Variants in RTN1 observed in about 807,000 individuals in gnomAD.
RTN1 encodes the protein reticulon-1.
Under a neutral mutation model 65.5 loss-of-function variants are expected in RTN1, and 25 were observed. That is an observed-to-expected ratio of 0.38 (90% CI 0.28 to 0.53). RTN1 has a LOEUF of 0.53. Among genes scored for constraint, RTN1 ranks in the 20% least tolerant of loss-of-function variants. The pLI is 0.79. For synonymous variants in RTN1, 471 were observed against 447.6 expected, an observed-to-expected ratio of 1.05 and a Z score of -0.66; for missense variants, 983 against 1,025.4, an observed-to-expected ratio of 0.96 and a Z score of 0.57.
chr14:59,599,589 C>T (rs1423997751), intron 8 of RTN1, among the ~76,000 whole-genome samples: 1 of 152,162 alleles, frequency 6.6e-6, no homozygotes, highest in African/African-American at 2.4e-5. Context: ...CTGGATCATA[C>T]ATCTCCATTT....
intron 1 of RTN1, among the ~76,000 whole-genome samples, chr14:59,837,137 A>G (rs1887226675): frequency 6.6e-6 from 1 of 152,164 alleles, no homozygotes; most frequent in Non-Finnish European, 1.5e-5. Context: ...AAACAGATCA[A>G]TGTAACAGAG....
rs1415653807 is a variant in RTN1, at chr14:59,749,112, A to C, written c.242-2631T>G. ...CATCTATATATATATCTATATATATATATATATATATAGATATATCTATAT... is the reference window on the plus strand; with the variant it reads ...CATCTATATATATATCTATATATATCTATATATATATAGATATATCTATAT... On this transcript the variant is annotated intron_variant, in intron 1 of 8. Transcript: ENST00000267484. Among the ~76,000 whole-genome samples the C allele has an allele frequency of 8.9e-3, 491 of 55,272 alleles. 24 individuals carry two copies. The highest frequency in any genetic ancestry group is 0.056 in the African/African-American group (428 of 7,664). 36.3% of individuals were successfully genotyped at this position (55,272 alleles called of 152,430 possible). A position where few individuals can be genotyped will look rare whatever the true frequency, so the allele number is the denominator to read the frequency against.
intron 4 of RTN1, among the ~76,000 whole-genome samples, chr14:59,606,863 T>C (rs910857943): frequency 6.6e-6 from 1 of 151,668 alleles, no homozygotes; most frequent in Non-Finnish European, 1.5e-5. Flanking sequence ...AGAGAAAGCA[T>C]GGAAATAAAG....
intron 1 of RTN1, among the ~76,000 whole-genome samples, chr14:59,755,320 G>T (rs962542438): frequency 1.3e-5 from 2 of 152,092 alleles, no homozygotes; most frequent in Admixed American, 6.6e-5. Context: ...AATATTAACA[G>T]GTATAGGGGA....
chr14:59,712,246 T>G (rs1218119440), intron 3 of RTN1, among the ~76,000 whole-genome samples: 3 of 152,148 alleles, frequency 2.0e-5, no homozygotes, highest in African/African-American at 7.2e-5. Context: ...AACAAAAATC[T>G]ATATACAGCA....
chr14:59,705,104 G>T (rs143072749), intron 3 of RTN1, among the ~76,000 whole-genome samples: 30 of 152,124 alleles, frequency 2.0e-4, no homozygotes, highest in African/African-American at 7.2e-4. Context: ...GAGGGTAGAG[G>T]TGAAATAAGA....
At chr14:59,842,975 T>A (rs751883128) in intron 1 of RTN1, among the ~76,000 whole-genome samples, 4 of 152,212 alleles carry the variant, frequency 2.6e-5, no homozygotes, top group Non-Finnish European at 5.9e-5. Flanking sequence ...CTCCAAGGTA[T>A]ACTCCTAGGT....
At chr14:59,679,248 G>A (rs1718136781) in intron 3 of RTN1, among the ~76,000 whole-genome samples, 1 of 152,180 alleles carries the variant, frequency 6.6e-6, no homozygotes, top group Non-Finnish European at 1.5e-5. Context: ...AGTTGCACAG[G>A]TGCTCTGAAA....
intron 3 of RTN1, among the ~76,000 whole-genome samples, chr14:59,652,976 G>A (rs1160069734): frequency 1.3e-5 from 2 of 152,020 alleles, no homozygotes; most frequent in African/African-American, 2.4e-5. Flanking sequence ...TCCAGAAAGA[G>A]AGAGGAGAAA....
intron 3 of RTN1, among the ~76,000 whole-genome samples, chr14:59,668,980 A>C (rs754554312): frequency 4.3e-4 from 65 of 152,148 alleles, no homozygotes; most frequent in Non-Finnish European, 7.6e-4. Flanking sequence ...GATGTGGAGT[A>C]ACAGGCACCC....
chr14:59,839,927 C>T (rs2139650807), intron 1 of RTN1, among the ~76,000 whole-genome samples: 1 of 152,228 alleles, frequency 6.6e-6, no homozygotes, highest in South Asian at 2.1e-4. Flanking sequence ...CCTGTCCTCT[C>T]TGTTCTAAGA....
At chr14:59,778,516 C>G (rs902975942) in intron 1 of RTN1, among the ~76,000 whole-genome samples, 1 of 152,124 alleles carries the variant, frequency 6.6e-6, no homozygotes, top group African/African-American at 2.4e-5. Context: ...ATTGAGTGCT[C>G]ACTGCATGCT....
chr14:59,707,142 A>G (rs1295984362), intron 3 of RTN1, among the ~76,000 whole-genome samples: 1 of 152,210 alleles, frequency 6.6e-6, no homozygotes, highest in Non-Finnish European at 1.5e-5. Context: ...AGCAACAACA[A>G]AAACTCTGAT....
rs1269551361 is a variant in RTN1, at chr14:59,630,716, G to A, written c.1766-23224C>T. ...CAGCGAATCAGCGCGGCGCGGCCCC[G>A]GAGCCGCCTGCGCGCATGGGGATGC... On this transcript the variant is annotated intron_variant, in intron 3 of 8. Transcript: ENST00000267484. 1.1e-5 allele frequency: 12 copies of A among 1,125,958 alleles called. No homozygotes were observed. The East Asian group carries it at 1.4e-4, about 13-fold the overall frequency. 69.7% of individuals were successfully genotyped at this position (1,125,958 alleles called of 1,614,324 possible).
At chr14:59,619,658 G>T (rs1882201883) in intron 3 of RTN1, among the ~76,000 whole-genome samples, 1 of 152,164 alleles carries the variant, frequency 6.6e-6, no homozygotes, top group African/African-American at 2.4e-5. Context: ...AAGGGATGCA[G>T]TCTAGGATGA....
At position 59,714,245 on chromosome 14, in the gene RTN1, A is replaced by C. The variant is rs568449480; in HGVS notation, c.1765+12674T>G. On this transcript the variant is annotated intron_variant, in intron 3 of 8. Coordinates refer to ENST00000267484, the MANE Select transcript of RTN1 (RefSeq NM_021136.3). ...TGAGACTCCGTCTAAAAAAAAAAAAAAAAAAAAAATAGACTAATTTTATTA... is the reference window on the plus strand; with the variant it reads ...TGAGACTCCGTCTAAAAAAAAAAAACAAAAAAAAATAGACTAATTTTATTA... 3.4e-3 allele frequency among the ~76,000 whole-genome samples: 519 copies of C among 152,208 alleles called. 2 individuals carry two copies. Among genetic ancestry groups the C allele is most frequent in the African/African-American group, 0.012 (487 of 41,526 alleles).
chr14:59,863,494 C>T (rs762712343), intron 1 of RTN1, among the ~76,000 whole-genome samples: 7 of 152,160 alleles, frequency 4.6e-5, no homozygotes, highest in Non-Finnish European at 8.8e-5. Context: ...TTTATCTTTT[C>T]TTCTGGAGTC....
At chr14:59,863,372 C>T (rs570810205) in intron 1 of RTN1, among the ~76,000 whole-genome samples, 2 of 152,068 alleles carry the variant, frequency 1.3e-5, no homozygotes, top group African/African-American at 4.8e-5. Context: ...ATGTTTTTCC[C>T]GGCACTTTGA....
At chr14:59,601,204 C>T (rs1216948914) in intron 8 of RTN1, among the ~76,000 whole-genome samples, 1 of 152,168 alleles carries the variant, frequency 6.6e-6, no homozygotes, top group Non-Finnish European at 1.5e-5. Flanking sequence ...GCCTATTAAA[C>T]ATGACTTACA....
Sources: gnomAD v4.1 joint callset for allele counts (sites outside exome capture counted in the v4.1 genomes callset) on GRCh38, gnomAD v4.1.1 for gene constraint, MANE v1.5 for transcripts, NCBI Gene and HGNC (gene_info 2026-07-23, HGNC 2026-07-21) for gene names.